Variants in LRRIQ3 observed in about 807,000 individuals in gnomAD.
LRRIQ3 encodes leucine-rich repeat and IQ domain-containing protein 3.
LRRIQ3 carries 75 observed loss-of-function variants against 59.3 expected under a neutral mutation model. The ratio of observed to expected loss-of-function variants is 1.26; its 90% CI spans 1.05 to 1.53. The LOEUF is 1.53. Ranked by LOEUF, LRRIQ3 falls within the 40% of genes most tolerant of loss-of-function variation. The probability of loss-of-function intolerance (pLI) is 0.00; values close to 1 mark genes in which losing one functional copy is unlikely to be tolerated. For synonymous variants in LRRIQ3, 250 were observed against 231.3 expected, an observed-to-expected ratio of 1.08 and a Z score of -0.73; for missense variants, 831 against 710.0, an observed-to-expected ratio of 1.17 and a Z score of -1.94.
In LRRIQ3 at chr1:74,150,876, G is replaced by T. The variant is rs375740736; in HGVS notation, c.707+4857C>A. 8.6e-5 allele frequency among the ~76,000 whole-genome samples: 13 copies of T among 151,904 alleles called. No homozygotes were observed. The East Asian group carries it at 2.5e-3, about 29-fold the overall frequency. Reference sequence around the variant, plus strand: ...AAGTTCCCCTAATCATACCTCTCATGATATGACTACAGGATATTTCATTTC... The same window carrying T: ...AAGTTCCCCTAATCATACCTCTCATTATATGACTACAGGATATTTCATTTC... On this transcript the variant is annotated intron_variant, in intron 4 of 7. Transcript: ENST00000354431.
At chr1:74,154,731 TA>T (rs1286423553) in intron 4 of LRRIQ3, among the ~76,000 whole-genome samples, 5 of 152,216 alleles carry the variant, frequency 3.3e-5, no homozygotes, top group African/African-American at 1.2e-4. Flanking sequence ...ATATTTTAAA[TA>T]AGTATGCACT....
At position 74,188,395 on chromosome 1, in the gene LRRIQ3, T is replaced by C. The variant is rs911469890; in HGVS notation, c.1-4711A>G. 2.6e-5 allele frequency among the ~76,000 whole-genome samples: 4 copies of C among 152,146 alleles called. No homozygotes were observed. The East Asian group carries it at 5.8e-4, about 22-fold the overall frequency. On this transcript the variant is annotated intron_variant, in intron 1 of 7. Transcript: ENST00000354431. ...CAAGATTACCTATGTATCAAACCTG[T>C]ACATCTATCCCTGAACTTAAAGCAA...
At chr1:74,131,101 T>C (rs1342762704) in intron 4 of LRRIQ3, among the ~76,000 whole-genome samples, 2 of 152,116 alleles carry the variant, frequency 1.3e-5, no homozygotes, top group African/African-American at 4.8e-5. Flanking sequence ...TAAACATCTC[T>C]ACTCAAATAA....
At chr1:74,161,421 T>C (rs1028990045) in intron 3 of LRRIQ3, among the ~76,000 whole-genome samples, 4 of 152,110 alleles carry the variant, frequency 2.6e-5, no homozygotes, top group Non-Finnish European at 5.9e-5. Context: ...TATTATCTTT[T>C]ACTAGTTTCT....
At chr1:74,078,390 C>A (rs550490988) in intron 5 of LRRIQ3, among the ~76,000 whole-genome samples, 59 of 151,646 alleles carry the variant, frequency 3.9e-4, no homozygotes, top group African/African-American at 1.4e-3. Flanking sequence ...CAATTAATAC[C>A]AAACAAAAAT....
At chr1:74,097,782 A>G (rs1270166188) in intron 5 of LRRIQ3, among the ~76,000 whole-genome samples, 15 of 152,196 alleles carry the variant, frequency 9.9e-5, no homozygotes, top group Admixed American at 5.9e-4. Context: ...TTTTCAACCC[A>G]GAATTTCATA....
At chr1:74,120,802 G>A (rs560144724) in intron 4 of LRRIQ3, among the ~76,000 whole-genome samples, 8 of 150,852 alleles carry the variant, frequency 5.3e-5, no homozygotes, top group Admixed American at 2.7e-4. Flanking sequence ...GTTACTTTTC[G>A]GGCACTCAAT....
At chr1:74,034,236 G>A (rs1362504272) in intron 7 of LRRIQ3, among the ~76,000 whole-genome samples, 1 of 151,956 alleles carries the variant, frequency 6.6e-6, no homozygotes, top group Non-Finnish European at 1.5e-5. Context: ...GAAGTCTCCA[G>A]TTAGATTTCA....
intron 4 of LRRIQ3, among the ~76,000 whole-genome samples, chr1:74,142,508 G>A (rs542277031): frequency 2.6e-4 from 40 of 151,888 alleles, no homozygotes; most frequent in Middle Eastern, 3.2e-3. Flanking sequence ...CAAATTAGGT[G>A]GCCAAACCAT....
chr1:74,053,186 A>AG (rs1192028004), intron 6 of LRRIQ3, among the ~76,000 whole-genome samples: 1 of 151,584 alleles, frequency 6.6e-6, no homozygotes, highest in Admixed American at 6.6e-5. Flanking sequence ...CCAAAAAAAA[A>AG]AAAAAAAACA....
At chr1:74,136,444 G>A (rs945671133) in intron 4 of LRRIQ3, among the ~76,000 whole-genome samples, 1 of 151,926 alleles carries the variant, frequency 6.6e-6, no homozygotes, top group African/African-American at 2.4e-5. Flanking sequence ...GCACAGCAGT[G>A]AGCATCATTC....
chr1:74,167,211 C>G (rs1649041296), intron 3 of LRRIQ3, among the ~76,000 whole-genome samples: 1 of 151,776 alleles, frequency 6.6e-6, no homozygotes. Context: ...AGCCCAAATG[C>G]CCATCAATCA....
chr1:74,058,789 T>C (rs1654614344), intron 6 of LRRIQ3, among the ~76,000 whole-genome samples: 1 of 152,132 alleles, frequency 6.6e-6, no homozygotes, highest in Non-Finnish European at 1.5e-5. Context: ...TATTGATCAC[T>C]GTGCAATGTA....
At chr1:74,104,283 T>C (rs752261568) in intron 5 of LRRIQ3, among the ~76,000 whole-genome samples, 2 of 152,026 alleles carry the variant, frequency 1.3e-5, no homozygotes, top group Admixed American at 1.3e-4. Flanking sequence ...TGCAAAATGC[T>C]ACAGCTGTTT....
intron 4 of LRRIQ3, among the ~76,000 whole-genome samples, chr1:74,110,577 CT>C (rs769270148): frequency 6.6e-6 from 1 of 151,914 alleles, no homozygotes; most frequent in Non-Finnish European, 1.5e-5. Context: ...AACATCCATT[CT>C]GAGTGATAAA....
chr1:74,132,740 A>G (rs1647046927), intron 4 of LRRIQ3, among the ~76,000 whole-genome samples: 1 of 152,222 alleles, frequency 6.6e-6, no homozygotes, highest in Admixed American at 6.5e-5. Context: ...CTTAAATGTT[A>G]GACCTAAAAC....
chr1:74,144,126 G>T (rs1197191315), intron 4 of LRRIQ3, among the ~76,000 whole-genome samples: 4 of 151,816 alleles, frequency 2.6e-5, no homozygotes, highest in African/African-American at 9.7e-5. Context: ...AGTAGCTCTT[G>T]TTTTTTCTCT....
intron 6 of LRRIQ3, among the ~76,000 whole-genome samples, chr1:74,063,421 A>C (rs1654784940): frequency 6.6e-6 from 1 of 152,070 alleles, no homozygotes; most frequent in African/African-American, 2.4e-5. Context: ...ATTGTTGGTC[A>C]AATCTTCTAG....
chr1:74,167,934 T>C (rs1453149686), intron 3 of LRRIQ3, among the ~76,000 whole-genome samples: 2 of 152,040 alleles, frequency 1.3e-5, no homozygotes, highest in East Asian at 1.9e-4. Context: ...TAGCACACCC[T>C]GTATGATTTA....
Sources: allele counts gnomAD v4.1 joint callset (sites outside exome capture counted in the v4.1 genomes callset), GRCh38; gene constraint gnomAD v4.1.1; transcripts MANE v1.5; gene names NCBI Gene and HGNC (gene_info 2026-07-23, HGNC 2026-07-21).